The following ZNF800 variants were observed in gnomAD, a reference collection of about 807,000 sequenced individuals.
The protein encoded by ZNF800 is zinc finger protein 800.
ZNF800 carries 13 observed loss-of-function variants against 59.5 expected under a neutral mutation model. That is an observed-to-expected ratio of 0.22 (90% CI 0.14 to 0.35). The LOEUF is 0.35. Among genes scored for constraint, ZNF800 ranks in the 10% least tolerant of loss-of-function variants. ZNF800 has a pLI of 1.00. For synonymous variants in ZNF800, 266 were observed against 265.7 expected (o/e 1.00, Z -0.01); for missense variants, 621 against 783.7 (o/e 0.79, Z 2.48).
chr7:127,343,841 T>C (rs1800010586), downstream of ZNF800, among the ~76,000 whole-genome samples: 1 of 152,064 alleles, frequency 6.6e-6, no homozygotes. Flanking sequence ...ACTACTAACA[T>C]AATTTATTGT....
At chr7:127,379,159 A>G (rs1800879184) in intron 3 of ZNF800, among the ~76,000 whole-genome samples, 1 of 152,152 alleles carries the variant, frequency 6.6e-6, no homozygotes, top group Non-Finnish European at 1.5e-5. Context: ...GTAAATTCTC[A>G]TATATATATT....
chr7:127,377,669 G>A lies in ZNF800; in HGVS notation c.158-340C>T, dbSNP rs1291856822. Among the ~76,000 whole-genome samples the A allele has an allele frequency of 6.6e-6, 1 of 152,036 alleles. No homozygotes were observed. The highest frequency in any genetic ancestry group is 2.4e-5 in the African/African-American group (1 of 41,406). ...AGATGTACACAGCCCTCCCCTAGAG[G>A]TTCAGATTTAATAGATTTGGAGTAG... On this transcript the variant is annotated intron_variant, in intron 3 of 5. Transcript: ENST00000265827. The surrounding 1 kb of genome is among the most constrained non-coding windows in gnomAD (Gnocchi z 4.7).
intron 1 of ZNF800, chr7:127,364,221 C>T (rs1281790159): frequency 6.6e-6 from 1 of 152,062 alleles, no homozygotes; most frequent in East Asian, 1.9e-4. Context: ...AGAGAAGCCA[C>T]TAGATTTCAC....
intron 1 of ZNF800, among the ~76,000 whole-genome samples, chr7:127,351,859 C>A (rs1039104791): frequency 1.5e-4 from 23 of 152,166 alleles, no homozygotes; most frequent in Non-Finnish European, 2.9e-4. Context: ...GAAATGGCTA[C>A]AACTGACATC....
rs530548972 is a variant in ZNF800 at position 127,391,564 on chromosome 7, T to C, written c.-7A>G. 2.5e-6 allele frequency: 4 copies of C among 1,614,054 alleles called. No individual in the cohort carries two copies. In the African/African-American group the frequency reaches 5.3e-5, roughly 22 times the overall value. Reference sequence around the variant, plus strand: ...ATTTGTCCCTTAAAGGCATTTTCAGTGGACTCGACCTACTTTGCTTTCACT... The same window carrying C: ...ATTTGTCCCTTAAAGGCATTTTCAGCGGACTCGACCTACTTTGCTTTCACT... On this transcript the variant is annotated 5_prime_UTR_variant, in exon 2 of 6. Coordinates refer to ENST00000265827, the MANE Select transcript of ZNF800 (RefSeq NM_176814.5).
In ZNF800 at chr7:127,373,854, C is replaced by T. The variant is rs1336857602; in HGVS notation, c.1482G>A (p.Gln494=). ...TAGTCAAGTTCTGTTTGGAAGTAAA[C>T]TGACGTTTACAAAGTTTACAGTAAA... ...KQLYCKLCKR[Q]FTSKQNLTKH... Residue 494 remains glutamine, a synonymous_variant, in exon 5 of 6, where the codon CAG becomes CAA. Transcript: ENST00000265827. 1 of 1,614,168 alleles carries T rather than the reference C, an allele frequency of 6.2e-7. No individual in the cohort carries two copies. The highest frequency in any genetic ancestry group is 8.5e-7 in the Non-Finnish European group (1 of 1,180,028).
intron 1 of ZNF800, 56 bp from the exon 2 acceptor site, chr7:127,391,671 C>A: frequency 1.1e-6 from 1 of 886,550 alleles, no homozygotes; most frequent in Non-Finnish European, 1.9e-6. Context: ...GGGGCACTGG[C>A]TGCATTTTCC....
chr7:127,352,027 A>C (rs1420389732), intron 1 of ZNF800, among the ~76,000 whole-genome samples: 1 of 152,172 alleles, frequency 6.6e-6, no homozygotes, highest in East Asian at 1.9e-4. Context: ...AAAATCTTAA[A>C]GTTAAAACAA....
chr7:127,366,562 T>G (rs1369167787), downstream of ZNF800, among the ~76,000 whole-genome samples: 1 of 152,176 alleles, frequency 6.6e-6, no homozygotes, highest in African/African-American at 2.4e-5. Context: ...TTTCCACATT[T>G]TCTCAGTAGG....
intron 1 of ZNF800, among the ~76,000 whole-genome samples, chr7:127,353,917 A>G (rs1436131803): frequency 6.7e-6 from 1 of 149,412 alleles, no homozygotes; most frequent in East Asian, 1.9e-4. Flanking sequence ...TCATATCAAG[A>G]TAAAAATATA....
chr7:127,354,345 TA>T (rs1287431044), intron 1 of ZNF800, among the ~76,000 whole-genome samples: 5 of 152,090 alleles, frequency 3.3e-5, no homozygotes, highest in African/African-American at 1.2e-4. Flanking sequence ...AAATAAATAA[TA>T]ATTTAATACT....
exon 2 of ZNF800, chr7:127,347,686 G>A (rs1005751441): frequency 1.3e-5 from 2 of 152,312 alleles, no homozygotes; most frequent in Non-Finnish European, 2.9e-5. Flanking sequence ...GGAGAGTTCT[G>A]GCTCAAACCA....
intron 5 of ZNF800, chr7:127,372,658 T>C (rs1800664202): frequency 2.0e-6 from 2 of 985,184 alleles, no homozygotes; most frequent in African/African-American, 1.7e-5. Context: ...TAAGCATTGT[T>C]TCCATAGATC....
intron 3 of ZNF800, among the ~76,000 whole-genome samples, chr7:127,379,138 T>C (rs1800878609): frequency 1.3e-5 from 2 of 152,308 alleles, no homozygotes; most frequent in African/African-American, 4.8e-5. Context: ...AGTGTTATTC[T>C]TTACATAAAA....
intron 1 of ZNF800, among the ~76,000 whole-genome samples, chr7:127,354,334 GAAAT>G (rs1800227968): frequency 6.6e-6 from 1 of 152,062 alleles, no homozygotes; most frequent in East Asian, 1.9e-4. Context: ...CAATATGCTA[GAAAT>G]AAATAATAAT....
At chr7:127,381,085 C>T (rs1800963190) in intron 3 of ZNF800, among the ~76,000 whole-genome samples, 1 of 152,192 alleles carries the variant, frequency 6.6e-6, no homozygotes, top group Non-Finnish European at 1.5e-5. Flanking sequence ...AGTCACATTA[C>T]AATATGACAA....
chr7:127,375,380 A>T (rs769047590), intron 4 of ZNF800, among the ~76,000 whole-genome samples: 3 of 152,112 alleles, frequency 2.0e-5, no homozygotes, highest in Non-Finnish European at 4.4e-5. Flanking sequence ...TAGACTAGCA[A>T]AGGCAACTCA....
chr7:127,356,447 A>T (rs2117034612), intron 1 of ZNF800, among the ~76,000 whole-genome samples: 1 of 152,230 alleles, frequency 6.6e-6, no homozygotes, highest in East Asian at 1.9e-4. Flanking sequence ...CATATATTCT[A>T]AAATTCTATT....
intron 2 of ZNF800, among the ~76,000 whole-genome samples, chr7:127,390,186 T>C (rs187392397): frequency 1.3e-5 from 2 of 152,052 alleles, no homozygotes; most frequent in Admixed American, 6.5e-5. Context: ...AAAAAAAAAC[T>C]AGACTAAAAG....
Sources: allele counts gnomAD v4.1 joint callset (sites outside exome capture counted in the v4.1 genomes callset), GRCh38; gene constraint gnomAD v4.1.1; non-coding constraint Gnocchi (gnomAD v3.1); transcripts MANE v1.5; gene names NCBI Gene and HGNC (gene_info 2026-07-23, HGNC 2026-07-21).